HPS6: variants seen among roughly 807,000 people sequenced by gnomAD.
The protein encoded by HPS6 is BLOC-2 complex member HPS6.
A neutral mutation model predicts 53.6 loss-of-function variants in HPS6; 46 were observed. The observed-to-expected ratio is 0.86, with a 90% CI of 0.68 to 1.10. HPS6 has a LOEUF of 1.10. HPS6 is among the 50% of genes least tolerant of loss of function. HPS6 has a pLI of 0.00. For missense variants in HPS6, 1,034 were observed against 991.3 expected, an observed-to-expected ratio of 1.04 and a Z score of -0.58; for synonymous variants, 535 against 470.8, an observed-to-expected ratio of 1.14 and a Z score of -1.77.
chr10:102,067,464 C>A lies in HPS6; in HGVS notation c.1990C>A (p.Pro664Thr). 4.3e-6 allele frequency: 7 copies of A among 1,613,606 alleles called. No individual in the cohort carries two copies. Among genetic ancestry groups the A allele is most frequent in the Non-Finnish European group, 5.9e-6 (7 of 1,180,006 alleles). The stretch of plus-strand genomic sequence containing the variant: ...TGGCCTGGCCCTCGGCCCCTCCAGT[C>A]CCCTGCTTCGAAGTGAAATCTTCAA... Reference protein sequence around the residue: ...DAGLALGPSSPLLRSEIFKLL... With the variant: ...DAGLALGPSSTLLRSEIFKLL... The change falls in exon 1 of 1, where the codon CCC becomes ACC. Residue 664 changes from proline (P) to threonine (T), a missense_variant. By Grantham distance (38) the Pro-to-Thr change is conservative. Coordinates refer to ENST00000299238, the MANE Select transcript of HPS6 (RefSeq NM_024747.6).
Position 102,067,818 on chromosome 10 carries a change from C to T in HPS6, c.*16C>T, listed in dbSNP as rs774023905. ...GGACCTATGACTACCCTTCAGGCAT[C>T]AGAACACTCAGGGCCTGGAGGCTTG... On this transcript the variant is annotated 3_prime_UTR_variant, in exon 1 of 1. Coordinates refer to ENST00000299238, the MANE Select transcript of HPS6 (RefSeq NM_024747.6). 1.2e-6 allele frequency: 2 copies of T among 1,612,738 alleles called. No individual in the cohort carries two copies. Among genetic ancestry groups the T allele is most frequent in the Non-Finnish European group, 1.7e-6 (2 of 1,179,874 alleles).
In HPS6 at chr10:102,067,220, C is replaced by G. The variant is rs952040386; in HGVS notation, c.1746C>G (p.Pro582=). The change falls in exon 1 of 1, where the codon CCC becomes CCG. Residue 582 remains proline, a synonymous_variant. Coordinates refer to ENST00000299238, the MANE Select transcript of HPS6 (RefSeq NM_024747.6). ...AGCTGGAGCCTCGATGGCTGCCACC[C>G]TTTGTGGAGCTGGCACAGCAGCAGG... ...LCQLEPRWLP[P]FVELAQQQGG... 1 of 1,611,398 alleles carries G rather than the reference C, an allele frequency of 6.2e-7. No homozygotes were observed. The highest frequency in any genetic ancestry group is 8.5e-7 in the Non-Finnish European group (1 of 1,178,624).
chr10:102,067,213 T>G lies in HPS6; in HGVS notation c.1739T>G (p.Leu580Arg). The change falls in exon 1 of 1, where the codon CTG becomes CGG. Residue 580 changes from leucine (L) to arginine (R), a missense_variant. Physicochemically the swap from Leu to Arg is moderately radical, Grantham distance 102 (BLOSUM62 -2). Transcript: ENST00000299238. ...CTGTGCCAGCTGGAGCCTCGATGGC[T>G]GCCACCCTTTGTGGAGCTGGCACAG... is the stretch of plus-strand genomic sequence containing the variant. ...QCLCQLEPRW[L>R]PPFVELAQQQ... The G allele has an allele frequency of 6.2e-7, 1 of 1,606,980 alleles. No individual in the cohort carries two copies. Among genetic ancestry groups the G allele is most frequent in the Non-Finnish European group, 8.5e-7 (1 of 1,177,292 alleles).
rs780496222 is a variant in HPS6, at chr10:102,066,189, AAG to A, written c.718_719del (p.Leu241GlufsTer43). On this transcript the variant is annotated frameshift_variant, in exon 1 of 1. Transcript: ENST00000299238. LOFTEE classifies it high-confidence loss of function. The stretch of plus-strand genomic sequence containing the variant: ...CCCACGGCTTGGTCTCTCCTACAGT[AAG>A]AGTCTGAATCCTGGACGAGGGGACA... The part of the protein sequence containing the change: ...AAPRLGLSYS[K>X]SLNPGRGDTW... The A allele has an allele frequency of 6.2e-7, 1 of 1,613,778 alleles. No individual in the cohort carries two copies. The highest frequency in any genetic ancestry group is 8.5e-7 in the Non-Finnish European group (1 of 1,180,030).
chr10:102,065,501 G>C lies in HPS6; in HGVS notation c.27G>C (p.Leu9=). 1 of 1,560,676 alleles carries C rather than the reference G, an allele frequency of 6.4e-7. No individual in the cohort carries two copies. Among genetic ancestry groups the C allele is most frequent in the Non-Finnish European group, 8.6e-7 (1 of 1,164,692 alleles). The change falls in exon 1 of 1, where the codon CTG becomes CTC. Residue 9 remains leucine, a synonymous_variant. Transcript: ENST00000299238. MKRSGTLR[L]LSDLSAFGGA... The stretch of plus-strand genomic sequence containing the variant: ...TGAAGCGCTCGGGGACTCTGCGGCT[G>C]CTCTCGGACCTGAGCGCCTTCGGCG...
rs369970908 is a variant in HPS6, at chr10:102,067,780, C to T, written c.2306C>T (p.Pro769Leu). 1.7e-5 allele frequency: 27 copies of T among 1,612,958 alleles called. No homozygotes were observed. The highest frequency in any genetic ancestry group is 4.0e-5 in the African/African-American group (3 of 74,916). ...CTATGGGACCCCAGCACTCCACCCC[C>T]GACTCCACCTCGGGACCTATGACTA... ...DILWDPSTPP[P>L]TPPRDL is the part of the protein sequence containing the mutation. The change falls in exon 1 of 1, where the codon CCG (proline) becomes CTG (leucine). Residue 769 changes from proline to leucine, a missense_variant. Physicochemically the swap from Pro to Leu is moderately conservative, Grantham distance 98. Transcript: ENST00000299238.
In HPS6 at chr10:102,065,906, G is replaced by T; in HGVS notation, c.432G>T (p.Arg144=). ...GCCGCCTGGTGTGGTGCGAGGAGCG[G>T]CAGGCCCGGGCCGAGGGCCCGTCAG... The part of the protein sequence containing the change: ...LRGRLVWCEE[R]QARAEGPSGS... The change falls in exon 1 of 1, where the codon CGG becomes CGT. Residue 144 remains arginine, a synonymous_variant. Coordinates refer to ENST00000299238, the MANE Select transcript of HPS6 (RefSeq NM_024747.6). 6.5e-7 allele frequency: 1 copy of T among 1,542,060 alleles called. No homozygotes were observed. Among genetic ancestry groups the T allele is most frequent in the South Asian group, 1.2e-5 (1 of 85,064 alleles).
chr10:102,067,344 C>G lies in HPS6; in HGVS notation c.1870C>G (p.Leu624Val). 1 of 1,613,256 alleles carries G rather than the reference C, an allele frequency of 6.2e-7. No individual in the cohort carries two copies. Among genetic ancestry groups the G allele is most frequent in the South Asian group, 1.1e-5 (1 of 91,090 alleles). Residue 624 changes from leucine (L) to valine (V), a missense_variant, in exon 1 of 1, where the codon CTA becomes GTA. By Grantham distance (32) the Leu-to-Val change is conservative. Coordinates refer to ENST00000299238, the MANE Select transcript of HPS6 (RefSeq NM_024747.6). ...EEGTRPEALELELLLSSGRPK... is the reference protein window; with the variant it reads ...EEGTRPEALEVELLLSSGRPK... The stretch of plus-strand genomic sequence containing the variant: ...GGGGACCAGGCCTGAGGCTCTGGAG[C>G]TAGAGCTGCTCTTGAGCAGTGGGCG...
At position 102,065,661 on chromosome 10, in the gene HPS6, C is replaced by A; in HGVS notation, c.187C>A (p.Pro63Thr). ...ACAGCTGCTAGTCGCGTCGCGAGGG[C>A]CCGGCGCGGAGCTAGAGCGGGCCTG... ...APQLLVASRG[P>T]GAELERAWPA... The change falls in exon 1 of 1, where the codon CCC becomes ACC. Residue 63 changes from proline (P) to threonine (T), a missense_variant. By Grantham distance (38) the Pro-to-Thr change is conservative (BLOSUM62 -1). Coordinates refer to ENST00000299238, the MANE Select transcript of HPS6 (RefSeq NM_024747.6). The A allele has an allele frequency of 2.0e-6, 3 of 1,536,670 alleles. No individual in the cohort carries two copies. Among genetic ancestry groups the A allele is most frequent in the Non-Finnish European group, 2.6e-6 (3 of 1,152,544 alleles).
Position 102,066,927 on chromosome 10 carries a change from C to T in HPS6, c.1453C>T (p.Leu485=), listed in dbSNP as rs1280904251. 6.8e-6 allele frequency: 11 copies of T among 1,614,088 alleles called. No homozygotes were observed. The highest frequency in any genetic ancestry group is 9.3e-6 in the Non-Finnish European group (11 of 1,180,044). ...TGATGAGGAGGCTGGTTGGACTGAG[C>T]TGGCGGAGCAGGAAGTGGCACGCCT... is the stretch of plus-strand genomic sequence containing the variant. ...GDDEEAGWTE[L]AEQEVARLLR... The change falls in exon 1 of 1, where the codon CTG becomes TTG. Residue 485 remains leucine (L), a synonymous_variant. Transcript: ENST00000299238.
chr10:102,066,006 C>T lies in HPS6; in HGVS notation c.532C>T (p.Leu178=). The change falls in exon 1 of 1, where the codon CTG becomes TTG. Residue 178 remains leucine, a synonymous_variant. Coordinates refer to ENST00000299238, the MANE Select transcript of HPS6 (RefSeq NM_024747.6). ...LEPSGEASTS[L]GRTHVLLHHC... ...GCCCAGCGGGGAAGCTAGCACCAGCCTGGGCCGCACACACGTCCTGCTGCA... is the reference window on the plus strand; with the variant it reads ...GCCCAGCGGGGAAGCTAGCACCAGCTTGGGCCGCACACACGTCCTGCTGCA... 4 of 1,603,628 alleles carry T rather than the reference C, an allele frequency of 2.5e-6. No homozygotes were observed. Among genetic ancestry groups the T allele is most frequent in the South Asian group, 2.2e-5 (2 of 91,032 alleles).
chr10:102,067,484 C>T lies in HPS6; in HGVS notation c.2010C>T (p.Ile670=). The T allele has an allele frequency of 6.2e-7, 1 of 1,613,840 alleles. No individual in the cohort carries two copies. Among genetic ancestry groups the T allele is most frequent in the South Asian group, 1.1e-5 (1 of 91,090 alleles). The part of the protein sequence containing the change: ...GPSSPLLRSE[I]FKLLLAEFAQ... ...CCAGTCCCCTGCTTCGAAGTGAAAT[C>T]TTCAAACTGCTGCTGGCCGAGTTTG... The change falls in exon 1 of 1, where the codon ATC becomes ATT. Residue 670 remains isoleucine, a synonymous_variant. Coordinates refer to ENST00000299238, the MANE Select transcript of HPS6 (RefSeq NM_024747.6).
chr10:102,067,511 C>G lies in HPS6; in HGVS notation c.2037C>G (p.Ala679=), dbSNP rs1399654251. Residue 679 remains alanine (A), a synonymous_variant, in exon 1 of 1, where the codon GCC becomes GCG. Coordinates refer to ENST00000299238, the MANE Select transcript of HPS6 (RefSeq NM_024747.6). The stretch of plus-strand genomic sequence containing the variant: ...TCAAACTGCTGCTGGCCGAGTTTGC[C>G]CAGCACCGCCGGCTTGATGCTCACC... ...EIFKLLLAEF[A]QHRRLDAHLP... is the part of the protein sequence containing the mutation. 7 of 1,613,766 alleles carry G rather than the reference C, an allele frequency of 4.3e-6. No homozygotes were observed. Among genetic ancestry groups the G allele is most frequent in the South Asian group, 1.1e-5 (1 of 91,080 alleles).
chr10:102,067,254 G>A lies in HPS6; in HGVS notation c.1780G>A (p.Gly594Ser). 1 of 1,612,868 alleles carries A rather than the reference G, an allele frequency of 6.2e-7. No individual in the cohort carries two copies. The highest frequency in any genetic ancestry group is 8.5e-7 in the Non-Finnish European group (1 of 1,179,814). The change falls in exon 1 of 1, where the codon GGC (glycine) becomes AGC (serine). Residue 594 changes from glycine to serine, a missense_variant. Transcript: ENST00000299238. ...GCTGGCACAGCAGCAGGGCGGGCCG[G>A]GCTGGGGGGCAGGGGGCCCAGGACT... ...VELAQQQGGP[G>S]WGAGGPGLPL...
In HPS6 at chr10:102,066,273, C is replaced by G; in HGVS notation, c.799C>G (p.Pro267Ala). The change falls in exon 1 of 1, where the codon CCA becomes GCA. Residue 267 changes from proline (P) to alanine (A), a missense_variant. Physicochemically the swap from Pro to Ala is conservative, Grantham distance 27 (BLOSUM62 -1). Coordinates refer to ENST00000299238, the MANE Select transcript of HPS6 (RefSeq NM_024747.6). Reference sequence around the variant, plus strand: ...TCCTGGGTTGCTGTCCCCCAGGGAGCCACTGGCTGTACACACCTGGGCCCC... The same window carrying G: ...TCCTGGGTTGCTGTCCCCCAGGGAGGCACTGGCTGTACACACCTGGGCCCC... ...GLPGLLSPRE[P>A]LAVHTWAPTP... 1 of 1,613,956 alleles carries G rather than the reference C, an allele frequency of 6.2e-7. No individual in the cohort carries two copies. The highest frequency in any genetic ancestry group is 8.5e-7 in the Non-Finnish European group (1 of 1,180,014).
In HPS6 at chr10:102,066,064, G is replaced by A. The variant is rs1252352332; in HGVS notation, c.590G>A (p.Cys197Tyr). 1 of 1,611,606 alleles carries A rather than the reference G, an allele frequency of 6.2e-7. No individual in the cohort carries two copies. The highest frequency in any genetic ancestry group is 8.5e-7 in the Non-Finnish European group (1 of 1,180,018). The change falls in exon 1 of 1, where the codon TGC becomes TAC. Residue 197 changes from cysteine (C) to tyrosine (Y), a missense_variant. Transcript: ENST00000299238. Reference protein sequence around the residue: ...HCPAFGLLASCRQLFLVPTAT... With the variant: ...HCPAFGLLASYRQLFLVPTAT... ...CCTGCCTTCGGGCTGCTGGCCTCCT[G>A]CAGACAACTCTTCCTGGTGCCCACT... is the stretch of plus-strand genomic sequence containing the variant.
rs769401035 is a variant in HPS6, at chr10:102,066,834, A to G, written c.1360A>G (p.Met454Val). 7 of 1,614,178 alleles carry G rather than the reference A, an allele frequency of 4.3e-6. No individual in the cohort carries two copies. Among genetic ancestry groups the G allele is most frequent in the Non-Finnish European group, 4.2e-6 (5 of 1,180,012 alleles). ...CCTGCCCCCATCTGCACTGCTGACCATGTTGAGGACCGAGCTTCGGGATTA... is the reference window on the plus strand; with the variant it reads ...CCTGCCCCCATCTGCACTGCTGACCGTGTTGAGGACCGAGCTTCGGGATTA... ...GHLPPSALLT[M>V]LRTELRDYRG... Residue 454 changes from methionine to valine, a missense_variant, in exon 1 of 1, where the codon ATG becomes GTG. Physicochemically the swap from Met to Val is conservative, Grantham distance 21 (BLOSUM62 1). Transcript: ENST00000299238.
chr10:102,066,099 T>C lies in HPS6; in HGVS notation c.625T>C (p.Trp209Arg). 6.2e-7 allele frequency: 1 copy of C among 1,613,410 alleles called. No homozygotes were observed. Among genetic ancestry groups the C allele is most frequent in the Non-Finnish European group, 8.5e-7 (1 of 1,180,034 alleles). The change falls in exon 1 of 1, where the codon TGG becomes CGG. Residue 209 changes from tryptophan (W) to arginine (R), a missense_variant. Transcript: ENST00000299238. The part of the protein sequence containing the change: ...QLFLVPTATT[W>R]PGVAHVLLIW... ...CTTCCTGGTGCCCACTGCCACCACC[T>C]GGCCTGGCGTGGCCCACGTTCTACT...
At position 102,067,662 on chromosome 10, in the gene HPS6, C is replaced by A. The variant is rs765777317; in HGVS notation, c.2188C>A (p.Pro730Thr). 7 of 1,614,008 alleles carry A rather than the reference C, an allele frequency of 4.3e-6. No homozygotes were observed. Among genetic ancestry groups the A allele is most frequent in the African/African-American group, 4.0e-5 (3 of 75,050 alleles). The change falls in exon 1 of 1, where the codon CCT becomes ACT. Residue 730 changes from proline to threonine, a missense_variant. Physicochemically the swap from Pro to Thr is conservative, Grantham distance 38 (BLOSUM62 -1). Transcript: ENST00000299238. ...TPFPEPGAEP[P>T]LTVGLLKALL... ...ATTCCCTGAGCCTGGAGCAGAGCCC[C>A]CTCTCACTGTGGGCTTGCTCAAAGC...
Sources: gnomAD v4.1 joint callset for allele counts on GRCh38, gnomAD v4.1.1 for gene constraint, MANE v1.5 for transcripts, NCBI Gene and HGNC (gene_info 2026-07-23, HGNC 2026-07-21) for gene names.